Variants in TBC1D9B observed in about 807,000 individuals in gnomAD.
TBC1D9B encodes the protein TBC1 domain family, member 9B (with GRAM domain).
A neutral mutation model predicts 121.1 loss-of-function variants in TBC1D9B; 87 were observed. The ratio of observed to expected loss-of-function variants is 0.72; its 90% CI spans 0.60 to 0.86. The LOEUF is 0.86. TBC1D9B is among the 40% of genes least tolerant of loss of function. TBC1D9B has a pLI of 0.00. For synonymous variants in TBC1D9B, 668 were observed against 670.1 expected, an observed-to-expected ratio of 1.00 and a Z score of 0.05; for missense variants, 1,540 against 1,628.6, an observed-to-expected ratio of 0.95 and a Z score of 0.94.
rs1435058716 is a variant in TBC1D9B, at chr5:179,874,754, G to C, written c.2186+148C>G. The stretch of plus-strand genomic sequence containing the variant: ...CTGCTTCATCTCCCACTAGAAAGGA[G>C]CCGCCTCCTGACCCCAGAGCACCCC... On this transcript the variant is annotated intron_variant, in intron 12 of 20. Coordinates refer to ENST00000355235, the MANE Select transcript of TBC1D9B (RefSeq NM_015043.4). This position sits in a 1 kb window ranked among gnomAD's most constrained non-coding sequence, Gnocchi z 4.3. The C allele has an allele frequency of 8.7e-7, 1 of 1,148,502 alleles. No individual in the cohort carries two copies. The highest frequency in any genetic ancestry group is 1.6e-5 in the African/African-American group (1 of 64,404). 71.1% of individuals were successfully genotyped at this position (1,148,502 alleles called of 1,614,324 possible).
In TBC1D9B at chr5:179,891,679, T is replaced by C; in HGVS notation, c.837-93A>G. ...GCCTTGGGGCCTCCCCAGGCCTGTT[T>C]CCACATCAGATTCAGGATCCCTGGG... On this transcript the variant is annotated intron_variant, in intron 5 of 20. Coordinates refer to ENST00000355235, the MANE Select transcript of TBC1D9B (RefSeq NM_015043.4). This position sits in a 1 kb window ranked among gnomAD's most constrained non-coding sequence, Gnocchi z 4.3. 2 of 1,412,380 alleles carry C rather than the reference T, an allele frequency of 1.4e-6. No homozygotes were observed. Among genetic ancestry groups the C allele is most frequent in the Non-Finnish European group, 1.9e-6 (2 of 1,027,444 alleles). 87.5% of individuals were successfully genotyped at this position (1,412,380 alleles called of 1,614,324 possible).
chr5:179,888,459 C>T, intron 6 of TBC1D9B, 147 bp from the exon 7 acceptor site: 1 of 841,222 alleles, frequency 1.2e-6, no homozygotes. Flanking sequence ...CTGACTCTGC[C>T]ACCCGCTGCA....
intron 3 of TBC1D9B, 113 bp from the exon 4 acceptor site, chr5:179,894,727 C>G: frequency 2.0e-6 from 2 of 1,024,054 alleles, no homozygotes; most frequent in Non-Finnish European, 2.9e-6. Flanking sequence ...CTAAGGGCTA[C>G]AGGCACAGCT....
chr5:179,897,121 A>C (rs879285210), intron 3 of TBC1D9B, among the ~76,000 whole-genome samples: 2 of 146,000 alleles, frequency 1.4e-5, no homozygotes, highest in Non-Finnish European at 3.0e-5. Flanking sequence ...GTTAGCCAGG[A>C]TGGTCTCGAT....
In TBC1D9B at chr5:179,875,410, A is replaced by T. The variant is rs1760332165; in HGVS notation, c.1901-223T>A. 6.6e-6 allele frequency among the ~76,000 whole-genome samples: 1 copy of T among 152,168 alleles called. No homozygotes were observed. ...ATAACTATTTCTTCTACTACACTTG[A>T]ATTTTATTTTGGGGAAATACTGATT... On this transcript the variant is annotated intron_variant, in intron 11 of 20. Transcript: ENST00000355235. This position sits in a 1 kb window ranked among gnomAD's most constrained non-coding sequence, Gnocchi z 4.5.
intron 1 of TBC1D9B, among the ~76,000 whole-genome samples, chr5:179,906,163 A>T (rs781620788): frequency 1.3e-5 from 2 of 152,254 alleles, no homozygotes; most frequent in Non-Finnish European, 2.9e-5. Context: ...ATAAAACCAC[A>T]TCCCTGTCTG....
intron 4 of TBC1D9B, among the ~76,000 whole-genome samples, chr5:179,894,140 G>C (rs32438): frequency 0.42 from 64,446 of 152,092 alleles, 14,663 homozygotes; most frequent in East Asian, 0.76. Context: ...AGCAGAAGAG[G>C]GCAGGGCAGG....
chr5:179,896,032 G>A (rs533857670), intron 3 of TBC1D9B, among the ~76,000 whole-genome samples: 9 of 152,192 alleles, frequency 5.9e-5, no homozygotes, highest in Admixed American at 2.0e-4. Context: ...AGATGACACC[G>A]CACGCATCTG....
chr5:179,878,205 G>A (rs1760416927), intron 10 of TBC1D9B, 104 bp downstream of exon 10: 1 of 1,211,222 alleles, frequency 8.3e-7, no homozygotes, highest in Non-Finnish European at 1.1e-6. Context: ...CTCCTTCCTT[G>A]GGACACAAGG....
Position 179,874,839 on chromosome 5 carries a change from G to A in TBC1D9B, c.2186+63C>T. 6.4e-7 allele frequency: 1 copy of A among 1,574,348 alleles called. No homozygotes were observed. The highest frequency in any genetic ancestry group is 8.6e-7 in the Non-Finnish European group (1 of 1,163,174). On this transcript the variant is annotated intron_variant, in intron 12 of 20. Transcript: ENST00000355235. This position sits in a 1 kb window ranked among gnomAD's most constrained non-coding sequence, Gnocchi z 4.3. ...AGTCACTTCAGGCTGACTGGACAGT[G>A]CCCGGGGCTGGTGAGGGGTTCTGCT... is the stretch of plus-strand genomic sequence containing the variant.
In TBC1D9B at chr5:179,864,018, G is replaced by C; in HGVS notation, c.3132C>G (p.Ile1044Met). Residue 1044 changes from isoleucine (I) to methionine (M), a missense_variant, in exon 21 of 21, where the codon ATC becomes ATG. Ile to Met is a conservative substitution (Grantham distance 10). Transcript: ENST00000355235. ...IATVASLLLR[I>M]GEVGKKFSAR... Reference sequence around the variant, plus strand: ...CTGAGAACTTCTTCCCCACCTCTCCGATGCGGAGCAGGAGGCTGGCCACGG... The same window carrying C: ...CTGAGAACTTCTTCCCCACCTCTCCCATGCGGAGCAGGAGGCTGGCCACGG... 1 of 1,613,690 alleles carries C rather than the reference G, an allele frequency of 6.2e-7. No homozygotes were observed. Among genetic ancestry groups the C allele is most frequent in the Non-Finnish European group, 8.5e-7 (1 of 1,180,020 alleles).
intron 7 of TBC1D9B, among the ~76,000 whole-genome samples, chr5:179,886,944 T>C (rs1168280717): frequency 2.0e-5 from 3 of 152,214 alleles, no homozygotes; most frequent in African/African-American, 4.8e-5. Context: ...AGAATAAGCA[T>C]AGTGATTCCA....
At chr5:179,867,699 A>T in intron 18 of TBC1D9B, 79 bp downstream of exon 18, 1 of 1,592,990 alleles carries the variant, frequency 6.3e-7, no homozygotes, top group Non-Finnish European at 8.6e-7. Flanking sequence ...ACTGCTGGCC[A>T]CTGCCCGAGC....
In TBC1D9B at chr5:179,904,220, CTTTTT is replaced by C. The variant is rs550418299; in HGVS notation, c.229+477_229+481del. ...CTGTCCCCATGACCAGTGGAGCTGC[CTTTTT>C]TTTTTTTTTTTTTTTTTGAGACGGA... On this transcript the variant is annotated intron_variant, in intron 2 of 20. Coordinates refer to ENST00000355235, the MANE Select transcript of TBC1D9B (RefSeq NM_015043.4). This position sits in a 1 kb window ranked among gnomAD's most constrained non-coding sequence, Gnocchi z 4.2. 6.9e-4 allele frequency among the ~76,000 whole-genome samples: 56 copies of C among 80,898 alleles called. No homozygotes were observed. The highest frequency in any genetic ancestry group is 2.5e-3 in the African/African-American group (49 of 19,972). 53.1% of individuals were successfully genotyped at this position (80,898 alleles called of 152,430 possible).
intron 3 of TBC1D9B, 137 bp downstream of exon 3, chr5:179,899,052 G>C (rs1251319156): frequency 1.5e-6 from 1 of 677,884 alleles, no homozygotes; most frequent in African/African-American, 1.8e-5. Context: ...AACTCCAAGA[G>C]AAGGAGCGCT....
At chr5:179,903,528 C>G (rs569634418) in intron 2 of TBC1D9B, among the ~76,000 whole-genome samples, 5 of 152,186 alleles carry the variant, frequency 3.3e-5, no homozygotes, top group South Asian at 4.1e-4. Context: ...ACCAGTACCC[C>G]GGGGGAACAC....
rs371462300 is a variant in TBC1D9B, at chr5:179,879,035, C to T, written c.1567+12G>A. 58 of 1,598,966 alleles carry T rather than the reference C, an allele frequency of 3.6e-5. No homozygotes were observed. In the African/African-American group the frequency reaches 4.3e-4, roughly 12 times the overall value. ...GCTGAGCTGAGGCTGGGGGTGGCTGCACCCCACTCACCGGAGAAGAGGAGC... is the reference window on the plus strand; with the variant it reads ...GCTGAGCTGAGGCTGGGGGTGGCTGTACCCCACTCACCGGAGAAGAGGAGC... On this transcript the variant is annotated intron_variant, in intron 9 of 20. Transcript: ENST00000355235.
chr5:179,871,758 G>A (rs269463), intron 14 of TBC1D9B: 24 of 484,312 alleles, frequency 5.0e-5, no homozygotes, highest in Non-Finnish European at 7.6e-5. Flanking sequence ...CAGGATGGGC[G>A]TGGGGGAGTC....
In TBC1D9B at chr5:179,907,565, C is replaced by T. The variant is rs1260534427; in HGVS notation, c.118+139G>A. 5.2e-5 allele frequency: 18 copies of T among 343,364 alleles called. No homozygotes were observed. Among genetic ancestry groups the T allele is most frequent in the Non-Finnish European group, 6.5e-5 (16 of 245,258 alleles). The allele number at this position is 343,364 out of a possible 1,614,324, so 21.3% of individuals were successfully genotyped here. A position where few individuals can be genotyped will look rare whatever the true frequency, so the allele number is the denominator to read the frequency against. On this transcript the variant is annotated intron_variant, in intron 1 of 20. Coordinates refer to ENST00000355235, the MANE Select transcript of TBC1D9B (RefSeq NM_015043.4). This position sits in a 1 kb window ranked among gnomAD's most constrained non-coding sequence, Gnocchi z 5.3. ...CCCGGGTCCTGGCCTCGCGCCCCCG[C>T]CCCGCCGCGCGCTGGCGTGCGTGTC...
Sources: gnomAD v4.1 joint callset for allele counts (sites outside exome capture counted in the v4.1 genomes callset) on GRCh38, gnomAD v4.1.1 for gene constraint, Gnocchi (gnomAD v3.1) non-coding constraint, MANE v1.5 for transcripts, NCBI Gene and HGNC (gene_info 2026-07-23, HGNC 2026-07-21) for gene names.